The following NAV2 variants were observed in gnomAD, a reference collection of about 807,000 sequenced individuals.
NAV2 encodes the protein helicase, APC down-regulated 1.
In NAV2, 54 loss-of-function variants were observed where a neutral mutation model predicts 223.2. The observed-to-expected ratio is 0.24, with a 90% confidence interval of 0.19 to 0.30. The LOEUF (loss-of-function observed/expected upper bound fraction) is 0.30, where lower values mean the gene tolerates loss of function less well. NAV2 is among the 10% of genes least tolerant of loss of function. NAV2 has a pLI of 1.00. For synonymous variants in NAV2, 1,279 were observed against 1,239.3 expected (o/e 1.03, Z -0.67); for missense variants, 2,806 against 3,147.5 (o/e 0.89, Z 2.60).
intron 6 of NAV2, among the ~76,000 whole-genome samples, chr11:19,924,292 C>CT (rs1364950174): frequency 1.4e-5 from 2 of 138,600 alleles, no homozygotes; most frequent in Non-Finnish European, 1.5e-5. Flanking sequence ...AGGGGTAATT[C>CT]TTTAAAAAAA....
intron 6 of NAV2, among the ~76,000 whole-genome samples, chr11:19,916,863 T>C (rs911303794): frequency 2.6e-5 from 4 of 152,196 alleles, no homozygotes; most frequent in African/African-American, 4.8e-5. Context: ...GCCTTCATCC[T>C]AGAGGAGTGA....
chr11:19,985,567 G>T (rs2403548), intron 11 of NAV2, among the ~76,000 whole-genome samples: 87,436 of 151,176 alleles, frequency 0.58, 26,361 homozygotes, highest in Middle Eastern at 0.71. Flanking sequence ...TTGTTTTTTT[G>T]TTGTTGTTTG....
chr11:19,811,693 C>G (rs771639892), intron 1 of NAV2, among the ~76,000 whole-genome samples: 5 of 152,170 alleles, frequency 3.3e-5, no homozygotes, highest in Non-Finnish European at 7.3e-5. Flanking sequence ...TTTCCACTGG[C>G]CACCTGGAAT....
rs76344936 is a variant in NAV2 at position 19,442,559 on chromosome 11, C to T, written c.75+91532C>T. ...TCTCAAATGTGAGAAGTTGACCTTT[C>T]TCTGCTGTTGCTGGGAGAGCCCAGG... On this transcript the variant is annotated intron_variant, in intron 1 of 37. Transcript: ENST00000360655. Among the ~76,000 whole-genome samples, 319 of 152,322 alleles carry T rather than the reference C, an allele frequency of 2.1e-3. 1 individual carries two copies. Among genetic ancestry groups the T allele is most frequent in the African/African-American group, 7.0e-3 (289 of 41,574 alleles).
At chr11:19,423,893 T>A (rs984504257) in intron 1 of NAV2, among the ~76,000 whole-genome samples, 2 of 152,136 alleles carry the variant, frequency 1.3e-5, no homozygotes, top group Admixed American at 1.3e-4. Context: ...GGAAGTTCTC[T>A]AGGAGCTGAG....
intron 1 of NAV2, among the ~76,000 whole-genome samples, chr11:19,565,464 G>A (rs2045238574): frequency 6.6e-6 from 1 of 152,150 alleles, no homozygotes; most frequent in Admixed American, 6.5e-5. Context: ...TTTGAGATTT[G>A]CTTGTAATTA....
chr11:20,016,960 C>T (rs1003281408), intron 11 of NAV2, among the ~76,000 whole-genome samples: 3 of 152,076 alleles, frequency 2.0e-5, no homozygotes, highest in Non-Finnish European at 2.9e-5. Context: ...GAGCTGAGAT[C>T]GTGCCACTGC....
At chr11:19,974,157 A>G (rs2049495710) in intron 10 of NAV2, among the ~76,000 whole-genome samples, 1 of 152,238 alleles carries the variant, frequency 6.6e-6, no homozygotes, top group South Asian at 2.1e-4. Context: ...ACTAATTCTT[A>G]GGGAAACTGA....
intron 11 of NAV2, among the ~76,000 whole-genome samples, chr11:20,025,708 A>T (rs777917134): frequency 2.0e-5 from 3 of 152,130 alleles, no homozygotes; most frequent in Non-Finnish European, 4.4e-5. Context: ...AGCCTTTTTT[A>T]TGCGGTTTGT....
intron 1 of NAV2, among the ~76,000 whole-genome samples, chr11:19,670,278 GTT>G (rs2048542248): frequency 2.6e-5 from 4 of 152,162 alleles, no homozygotes; most frequent in African/African-American, 9.7e-5. Flanking sequence ...CGGAGTCTGG[GTT>G]TGCTGCCTGC....
chr11:19,616,752 C>G (rs12282631), intron 1 of NAV2, among the ~76,000 whole-genome samples: 18,007 of 151,862 alleles, frequency 0.12, 2,925 homozygotes, highest in African/African-American at 0.37. Flanking sequence ...TCAGCAAACC[C>G]CAGCCCTATC....
chr11:19,771,018 G>T (rs2055678511), intron 1 of NAV2, among the ~76,000 whole-genome samples: 1 of 152,108 alleles, frequency 6.6e-6, no homozygotes, highest in Non-Finnish European at 1.5e-5. Context: ...GTGGAAAGGG[G>T]TCTATCTAGG....
chr11:19,346,560 C>G (rs554310434), upstream of NAV2, among the ~76,000 whole-genome samples: 6 of 152,360 alleles, frequency 3.9e-5, no homozygotes, highest in Middle Eastern at 3.4e-3. Flanking sequence ...GCGGCGGTGG[C>G]AGCCCGCGTC....
intron 1 of NAV2, among the ~76,000 whole-genome samples, chr11:19,610,721 G>C (rs1189636348): frequency 6.6e-6 from 1 of 151,996 alleles, no homozygotes; most frequent in East Asian, 1.9e-4. Flanking sequence ...TGGATGGATG[G>C]ATAAGTGGAT....
intron 1 of NAV2, among the ~76,000 whole-genome samples, chr11:19,534,137 C>T (rs1366477529): frequency 6.6e-6 from 1 of 152,236 alleles, no homozygotes; most frequent in East Asian, 1.9e-4. Flanking sequence ...TCATAGGCCA[C>T]CTTGCTTATC....
At chr11:19,612,170 G>C (rs1181776119) in intron 1 of NAV2, among the ~76,000 whole-genome samples, 5 of 152,234 alleles carry the variant, frequency 3.3e-5, no homozygotes, top group Non-Finnish European at 7.3e-5. Flanking sequence ...CTGGAACACA[G>C]GGTGCCAAGT....
chr11:19,536,359 GAACAC>G (rs535515998), intron 1 of NAV2, among the ~76,000 whole-genome samples: 173 of 152,256 alleles, frequency 1.1e-3, no homozygotes, highest in Admixed American at 4.6e-3. Context: ...GTCCCCACTT[GAACAC>G]CACTGTACTT....
intron 1 of NAV2, among the ~76,000 whole-genome samples, chr11:19,495,673 G>T (rs903488964): frequency 5.3e-5 from 8 of 152,070 alleles, no homozygotes; most frequent in African/African-American, 1.9e-4. Flanking sequence ...AAGCCTAAAT[G>T]CATGGATGAG....
chr11:19,698,305 A>T (rs927900280), intron 1 of NAV2, among the ~76,000 whole-genome samples: 1 of 152,208 alleles, frequency 6.6e-6, no homozygotes, highest in Non-Finnish European at 1.5e-5. Context: ...ATAATTCACA[A>T]GGGACCTAGT....
Sources: gnomAD v4.1 joint callset for allele counts (sites outside exome capture counted in the v4.1 genomes callset) on GRCh38, gnomAD v4.1.1 for gene constraint, MANE v1.5 for transcripts, NCBI Gene and HGNC (gene_info 2026-07-23, HGNC 2026-07-21) for gene names.